The following PLXNA4 variants were observed in gnomAD, a reference collection of about 807,000 sequenced individuals.
PLXNA4 encodes plexin A4.
PLXNA4 carries 44 observed loss-of-function variants against 191.8 expected under a neutral mutation model. The ratio of observed to expected loss-of-function variants is 0.23; its 90% CI spans 0.18 to 0.29. The LOEUF is 0.29. Among genes scored for constraint, PLXNA4 ranks in the 10% least tolerant of loss-of-function variants. PLXNA4 has a pLI of 1.00. For missense variants in PLXNA4, 1,800 were observed against 2,488.8 expected, an observed-to-expected ratio of 0.72 and a Z score of 5.89; for synonymous variants, 1,082 against 1,009.5, an observed-to-expected ratio of 1.07 and a Z score of -1.36.
intron 2 of PLXNA4, among the ~76,000 whole-genome samples, chr7:132,632,335 G>A (rs1276493618): frequency 6.6e-6 from 1 of 151,496 alleles, no homozygotes; most frequent in East Asian, 1.9e-4. Context: ...AATGATATAT[G>A]TAATGGAAAT....
chr7:132,613,702 A>T (rs1291860082), intron 2 of PLXNA4, among the ~76,000 whole-genome samples: 2 of 152,174 alleles, frequency 1.3e-5, no homozygotes, highest in Admixed American at 6.5e-5. Flanking sequence ...TTTCCAAGTC[A>T]GTTATACGCA....
intron 1 of PLXNA4, among the ~76,000 whole-genome samples, chr7:132,509,010 T>A (rs1047175442): frequency 1.3e-4 from 2 of 15,378 alleles, no homozygotes; most frequent in Non-Finnish European, 3.3e-4. Flanking sequence ...GTGATGATAA[T>A]GACATGATAA....
At position 132,223,613 on chromosome 7, in the gene PLXNA4, G is replaced by C. The variant is rs199651527; in HGVS notation, c.2011C>G (p.Arg671Gly). Residue 671 changes from arginine to glycine, a missense_variant, in exon 9 of 32, where the codon CGC becomes GGC. Arg to Gly is a moderately radical substitution (Grantham distance 125). Coordinates refer to ENST00000321063, the MANE Select transcript of PLXNA4 (RefSeq NM_020911.2). ...TGCCGGTATTTACACCAGTGGCAGC[G>C]GTATGGACTCTCCACGCAGGACAGG... ...SCLSCVESPY[R>G]CHWCKYRHVC... 1 of 1,613,690 alleles carries C rather than the reference G, an allele frequency of 6.2e-7. No individual in the cohort carries two copies. The highest frequency in any genetic ancestry group is 1.1e-5 in the South Asian group (1 of 90,924).
At chr7:132,632,285 A>G (rs9632761) in intron 2 of PLXNA4, among the ~76,000 whole-genome samples, 5,381 of 151,218 alleles carry the variant, frequency 0.036, 452 homozygotes, top group East Asian at 0.26. Context: ...TAAATTTCTT[A>G]GGTAGAATTT....
intron 3 of PLXNA4, among the ~76,000 whole-genome samples, chr7:132,308,982 C>T (rs1271502367): frequency 6.6e-6 from 1 of 152,052 alleles, no homozygotes; most frequent in East Asian, 1.9e-4. Context: ...CACCTAAGGG[C>T]AGGAGAGGGA....
chr7:132,313,570 G>C (rs775787924), intron 3 of PLXNA4, among the ~76,000 whole-genome samples: 1 of 152,162 alleles, frequency 6.6e-6, no homozygotes, highest in Non-Finnish European at 1.5e-5. Context: ...GGAGCAAGTT[G>C]AAGGGAATGC....
At chr7:132,573,045 G>A (rs1211724893) in intron 1 of PLXNA4, among the ~76,000 whole-genome samples, 1 of 151,660 alleles carries the variant, frequency 6.6e-6, no homozygotes. Flanking sequence ...GCTGGCGGAT[G>A]TGCGCACAAA....
chr7:132,159,322 C>T (rs1181949257), intron 25 of PLXNA4, 151 bp downstream of exon 25: 7 of 1,299,564 alleles, frequency 5.4e-6, no homozygotes. Flanking sequence ...ACCCCATGGG[C>T]TCCTGCGGGG....
intron 9 of PLXNA4, among the ~76,000 whole-genome samples, chr7:132,217,246 AC>A (rs1163846880): frequency 6.6e-6 from 1 of 152,188 alleles, no homozygotes; most frequent in African/African-American, 2.4e-5. Flanking sequence ...CTTTCTATCC[AC>A]CATGTCCAGC....
chr7:132,257,143 G>A (rs11771069), intron 4 of PLXNA4, among the ~76,000 whole-genome samples: 44,564 of 152,088 alleles, frequency 0.29, 7,053 homozygotes, highest in African/African-American at 0.37. Flanking sequence ...ATGACATGGC[G>A]CAGCCTCCTT....
At chr7:132,318,356 C>T (rs991171140) in intron 3 of PLXNA4, among the ~76,000 whole-genome samples, 4 of 152,178 alleles carry the variant, frequency 2.6e-5, no homozygotes, top group African/African-American at 9.6e-5. Context: ...TGCCCAGAAC[C>T]CAGAGTGTCG....
chr7:132,167,297 A>G (rs2116660771), intron 22 of PLXNA4, among the ~76,000 whole-genome samples: 1 of 152,274 alleles, frequency 6.6e-6, no homozygotes, highest in African/African-American at 2.4e-5. Flanking sequence ...TAAGGTTTCA[A>G]CAGTATCAAG....
chr7:132,517,517 A>G (rs1472458299), intron 1 of PLXNA4, among the ~76,000 whole-genome samples: 3 of 152,152 alleles, frequency 2.0e-5, no homozygotes, highest in African/African-American at 7.2e-5. Context: ...AGTTAACCTC[A>G]CCCTAACTCA....
At position 132,311,188 on chromosome 7, in the gene PLXNA4, G is replaced by GTGTGTGTGTGTGTGTGTGTGTGTGTT. The variant is rs1387461691; in HGVS notation, c.1372-12967_1372-12966insAACACACACACACACACACACACACA. ...TGTGTGTGTGTGTGTGTGTGTGTGT[G>GTGTGTGTGTGTGTGTGTGTGTGTGTT]TGTGTGCGCGTGTGGCCTAAAGGAG... On this transcript the variant is annotated intron_variant, in intron 3 of 31. Coordinates refer to ENST00000321063, the MANE Select transcript of PLXNA4 (RefSeq NM_020911.2). Among the ~76,000 whole-genome samples, 10 of 136,534 alleles carry GTGTGTGTGTGTGTGTGTGTGTGTGTT rather than the reference G, an allele frequency of 7.3e-5. 1 individual carries two copies. Among genetic ancestry groups the GTGTGTGTGTGTGTGTGTGTGTGTGTT allele is most frequent in the African/African-American group, 2.8e-4 (10 of 36,352 alleles). 89.6% of individuals were successfully genotyped at this position (136,534 alleles called of 152,430 possible).
intron 2 of PLXNA4, among the ~76,000 whole-genome samples, chr7:132,497,729 C>A (rs1386225383): frequency 6.6e-6 from 1 of 152,176 alleles, no homozygotes; most frequent in African/African-American, 2.4e-5. Flanking sequence ...AGATTGAAGT[C>A]TCTTGAAAGC....
intron 5 of PLXNA4, among the ~76,000 whole-genome samples, chr7:132,238,815 G>C (rs372666673): frequency 2.1e-4 from 29 of 139,244 alleles, no homozygotes; most frequent in African/African-American, 7.6e-4. Flanking sequence ...AGTCACAAGA[G>C]GGGGGGGGGC....
intron 5 of PLXNA4, 81 bp from the exon 6 acceptor site, chr7:132,228,550 C>T (rs963708823): frequency 1.9e-6 from 3 of 1,562,920 alleles, no homozygotes; most frequent in Non-Finnish European, 2.6e-6. Context: ...CAGGTGTTTC[C>T]AGCAGCTCCC....
chr7:132,643,455 C>T (rs771261565), intron 2 of PLXNA4, among the ~76,000 whole-genome samples: 1 of 151,660 alleles, frequency 6.6e-6, no homozygotes, highest in Non-Finnish European at 1.5e-5. Flanking sequence ...TAGAGTCTGC[C>T]CCAAACCCAA....
At chr7:132,532,230 GAA>G (rs2116444030) in intron 1 of PLXNA4, among the ~76,000 whole-genome samples, 1 of 152,332 alleles carries the variant, frequency 6.6e-6, no homozygotes, top group East Asian at 1.9e-4. Context: ...TAAGAAGACA[GAA>G]AAAGGAAGGG....
Sources: gnomAD v4.1 joint callset for allele counts (sites outside exome capture counted in the v4.1 genomes callset) on GRCh38, gnomAD v4.1.1 for gene constraint, MANE v1.5 for transcripts, NCBI Gene and HGNC (gene_info 2026-07-23, HGNC 2026-07-21) for gene names.